Variants in WDFY3 observed in about 807,000 individuals in gnomAD.
WDFY3 encodes the protein WD repeat and FYVE domain containing 3, also known as WD repeat and FYVE domain-containing protein 3.
WDFY3 carries 66 observed loss-of-function variants against 409.6 expected under a neutral mutation model. The ratio of observed to expected loss-of-function variants is 0.16; its 90% CI spans 0.13 to 0.20. The LOEUF is 0.20. Among genes scored for constraint, WDFY3 ranks in the 10% least tolerant of loss-of-function variants. WDFY3 has a pLI of 1.00. For missense variants in WDFY3, 3,031 were observed against 4,298.1 expected, an observed-to-expected ratio of 0.71 and a Z score of 8.24; for synonymous variants, 1,521 against 1,537.1, an observed-to-expected ratio of 0.99 and a Z score of 0.25.
chr4:84,850,719 T>C (rs1433530804), intron 4 of WDFY3, among the ~76,000 whole-genome samples: 4 of 152,070 alleles, frequency 2.6e-5, no homozygotes, highest in Admixed American at 2.6e-4. Flanking sequence ...GCTCTACTGC[T>C]AAATCCCAGG....
At chr4:84,958,982 T>C (rs1774579736) in intron 1 of WDFY3, among the ~76,000 whole-genome samples, 1 of 152,220 alleles carries the variant, frequency 6.6e-6, no homozygotes. Flanking sequence ...CTGACAGTTA[T>C]AATAATATAG....
In WDFY3 at chr4:84,884,829, C is replaced by T. The variant is rs186966268; in HGVS notation, c.-32+12082G>A. ...AACATGTGATAATTGTCACAGAAAA[C>T]GGTATATAACAATCATGTAAATGGT... is the stretch of plus-strand genomic sequence containing the variant. On this transcript the variant is annotated intron_variant, in intron 3 of 67. Transcript: ENST00000295888. Among the ~76,000 whole-genome samples the T allele has an allele frequency of 1.3e-3, 199 of 152,064 alleles. 2 individuals are homozygous for T. The highest frequency in any genetic ancestry group is 3.9e-3 in the African/African-American group (161 of 41,498).
chr4:84,749,426 C>T (rs949488751), intron 36 of WDFY3, among the ~76,000 whole-genome samples: 2 of 151,876 alleles, frequency 1.3e-5, no homozygotes, highest in African/African-American at 4.8e-5. Context: ...TTGGGAATTT[C>T]CAGGGATGAA....
At chr4:84,787,398 T>C (rs983419268) in intron 23 of WDFY3, 84 bp downstream of exon 23, 26 of 1,321,714 alleles carry the variant, frequency 2.0e-5, no homozygotes, top group Non-Finnish European at 2.7e-5. Context: ...ATTAACAATA[T>C]GTATAACCTC....
At chr4:84,962,294 T>C (rs1192820772) in intron 1 of WDFY3, among the ~76,000 whole-genome samples, 1 of 152,162 alleles carries the variant, frequency 6.6e-6, no homozygotes, top group African/African-American at 2.4e-5. Context: ...CTGAAGAGTA[T>C]GTTGTTAAGA....
chr4:84,702,855 C>G (rs914022136), intron 55 of WDFY3, among the ~76,000 whole-genome samples: 1 of 152,078 alleles, frequency 6.6e-6, no homozygotes, highest in East Asian at 1.9e-4. Context: ...CCAGCACTTT[C>G]GGAGGCCGAG....
intron 51 of WDFY3, among the ~76,000 whole-genome samples, chr4:84,710,467 C>G (rs1485132986): frequency 6.6e-6 from 1 of 152,054 alleles, no homozygotes; most frequent in South Asian, 2.1e-4. Context: ...GGTCATGGAA[C>G]CAGGAGAAAG....
chr4:84,913,837 CCCCTT>C (rs1477924812), intron 2 of WDFY3, among the ~76,000 whole-genome samples: 1 of 151,946 alleles, frequency 6.6e-6, no homozygotes, highest in East Asian at 1.9e-4. Flanking sequence ...TCCCTGGCCT[CCCCTT>C]CCCTTCCCTT....
rs145124529 is a variant in WDFY3 at position 84,866,201 on chromosome 4, A to G, written c.-31-5579T>C. On this transcript the variant is annotated intron_variant, in intron 3 of 67. Coordinates refer to ENST00000295888, the MANE Select transcript of WDFY3 (RefSeq NM_014991.6). ...TCCTCCTTTGCTCCTAATGTACCAA[A>G]TAACACTTCAGCATATCAGTTTTCT... Among the ~76,000 whole-genome samples the G allele has an allele frequency of 6.2e-3, 948 of 152,288 alleles. 9 individuals are homozygous for G. The highest frequency in any genetic ancestry group is 0.021 in the African/African-American group (891 of 41,562).
Position 84,677,277 on chromosome 4 carries a change from C to A in WDFY3, c.10379G>T (p.Cys3460Phe), listed in dbSNP as rs1187147166. ...HWVKDEGGDS[C>F]SGCSVRFSLT... ...TGAAAACCTCACCGAGCAGCCTGAGCAGCTGTCACCACCTTCATCCTTCAC... is the reference window on the plus strand; with the variant it reads ...TGAAAACCTCACCGAGCAGCCTGAGAAGCTGTCACCACCTTCATCCTTCAC... The change falls in exon 67 of 68, where the codon TGC becomes TTC. Residue 3460 changes from cysteine (C) to phenylalanine (F), a missense_variant. By Grantham distance (205) the Cys-to-Phe change is radical (BLOSUM62 -2). Transcript: ENST00000295888. 6.2e-7 allele frequency: 1 copy of A among 1,614,226 alleles called. No individual in the cohort carries two copies. The highest frequency in any genetic ancestry group is 8.5e-7 in the Non-Finnish European group (1 of 1,180,036).
intron 6 of WDFY3, among the ~76,000 whole-genome samples, chr4:84,839,978 C>T (rs1011945004): frequency 1.3e-5 from 2 of 152,144 alleles, no homozygotes; most frequent in Admixed American, 1.3e-4. Context: ...TGACAGGTTT[C>T]AGGATATGGT....
intron 3 of WDFY3, among the ~76,000 whole-genome samples, chr4:84,860,908 T>C (rs1295445266): frequency 6.6e-6 from 1 of 152,166 alleles, no homozygotes; most frequent in Non-Finnish European, 1.5e-5. Flanking sequence ...AGTTTAGTCA[T>C]ATCAAGTTCA....
At chr4:84,760,981 G>A (rs1379648271) in intron 32 of WDFY3, among the ~76,000 whole-genome samples, 13 of 150,522 alleles carry the variant, frequency 8.6e-5, no homozygotes, top group African/African-American at 3.2e-4. Flanking sequence ...CTTTGAATGT[G>A]TCCCAGAGAT....
In WDFY3 at chr4:84,794,729, A is replaced by C. The variant is rs1246874726; in HGVS notation, c.3277T>G (p.Phe1093Val). The part of the protein sequence containing the change: ...VVSGIGSGER[F>V]FPPPSGLSYS... ...CTTAAGCCGGAGGGAGGAGGGAAGAATCTTTCACCTACAGTAAAAATTAAA... is the reference window on the plus strand; with the variant it reads ...CTTAAGCCGGAGGGAGGAGGGAAGACTCTTTCACCTACAGTAAAAATTAAA... The change falls in exon 21 of 68, where the codon TTC (phenylalanine) becomes GTC (valine). Residue 1093 changes from phenylalanine to valine, a missense_variant. This residue lies in a region of WDFY3 where 1,322 missense variants were observed against 1,697.9 expected (regional missense o/e 0.78). Coordinates refer to ENST00000295888, the MANE Select transcript of WDFY3 (RefSeq NM_014991.6). The C allele has an allele frequency of 1.9e-6, 3 of 1,611,688 alleles. No homozygotes were observed. Among genetic ancestry groups the C allele is most frequent in the Non-Finnish European group, 2.5e-6 (3 of 1,179,068 alleles).
chr4:84,691,387 G>A (rs977665551), intron 60 of WDFY3, among the ~76,000 whole-genome samples: 1 of 152,168 alleles, frequency 6.6e-6, no homozygotes, highest in Admixed American at 6.5e-5. Flanking sequence ...GCTAGCCCCT[G>A]TTACACAACT....
Position 84,962,675 on chromosome 4 carries a change from C to CT in WDFY3, c.-226+3533dup, listed in dbSNP as rs373118403. On this transcript the variant is annotated intron_variant, in intron 1 of 67. Transcript: ENST00000295888. ...TAAAAAATTAAAGTAGGAGCCATTT[C>CT]TTTTTTTTTTTTTTTTGAGATGGAG... Among the ~76,000 whole-genome samples, 484 of 136,162 alleles carry CT rather than the reference C, an allele frequency of 3.6e-3. 1 individual carries two copies. The highest frequency in any genetic ancestry group is 7.3e-3 in the South Asian group (31 of 4,246). The allele number at this position is 136,162 out of a possible 152,430, so 89.3% of individuals were successfully genotyped here.
intron 30 of WDFY3, among the ~76,000 whole-genome samples, chr4:84,771,158 C>T (rs1184684773): frequency 6.6e-6 from 1 of 152,058 alleles, no homozygotes; most frequent in Non-Finnish European, 1.5e-5. Context: ...TTTTTAGAGA[C>T]AGAGTCTCAC....
chr4:84,679,077 T>A lies in WDFY3; in HGVS notation c.9989A>T (p.Asp3330Val), dbSNP rs1406973339. The A allele has an allele frequency of 1.9e-6, 3 of 1,613,872 alleles. No homozygotes were observed. Among genetic ancestry groups the A allele is most frequent in the Non-Finnish European group, 2.5e-6 (3 of 1,180,020 alleles). The change falls in exon 65 of 68, where the codon GAC becomes GTC. Residue 3330 changes from aspartate to valine, a missense_variant. Physicochemically the swap from Asp to Val is radical, Grantham distance 152 (BLOSUM62 -3). Around this residue, in one of 16 missense-constraint regions of WDFY3, gnomAD observed 378 missense variants for 477.3 expected, o/e 0.79. Coordinates refer to ENST00000295888, the MANE Select transcript of WDFY3 (RefSeq NM_014991.6). ...GAGCTGGTCGGACCAGCGTCTGGAG[T>A]CGTCAGAGCCACTGTCAGTACACCA... The part of the protein sequence containing the change: ...AAWCTDSGSD[D>V]SRRWSDQLSL...
At chr4:84,783,788 A>G (rs1482479369) in intron 24 of WDFY3, among the ~76,000 whole-genome samples, 1 of 152,172 alleles carries the variant, frequency 6.6e-6, no homozygotes, top group African/African-American at 2.4e-5. Flanking sequence ...CAAGGCAAAT[A>G]TAACTTTAAT....
Sources: gnomAD v4.1 joint callset for allele counts (sites outside exome capture counted in the v4.1 genomes callset) on GRCh38, gnomAD v4.1.1 for gene constraint, gnomAD v4.1.1 regional missense constraint, MANE v1.5 for transcripts, NCBI Gene and HGNC (gene_info 2026-07-23, HGNC 2026-07-21) for gene names.